DCP1A: variants seen among roughly 807,000 people sequenced by gnomAD.
DCP1A encodes the protein mRNA-decapping enzyme 1A.
A neutral mutation model predicts 58.0 loss-of-function variants in DCP1A; 20 were observed. That is an observed-to-expected ratio of 0.34 (90% CI 0.24 to 0.50). DCP1A has a LOEUF of 0.50. Among genes scored for constraint, DCP1A ranks in the 20% least tolerant of loss-of-function variants. The pLI is 0.98. For missense variants in DCP1A, 613 were observed against 712.2 expected (o/e 0.86, Z 1.59); for synonymous variants, 285 against 275.1 (o/e 1.04, Z -0.36).
intron 6 of DCP1A, among the ~76,000 whole-genome samples, chr3:53,300,341 T>TG (rs1553687285): frequency 6.7e-6 from 1 of 149,624 alleles, no homozygotes; most frequent in East Asian, 1.9e-4. Flanking sequence ...CTTTATGACT[T>TG]TTTTTTTTTT....
At position 53,312,371 on chromosome 3, in the gene DCP1A, T is replaced by C. The variant is rs782428638; in HGVS notation, c.380A>G (p.Glu127Gly). Residue 127 changes from glutamate to glycine, a missense_variant, in exon 5 of 10, where the codon GAA becomes GGA. Around this residue, in one of 3 missense-constraint regions of DCP1A, gnomAD observed 498 missense variants for 556.7 expected, o/e 0.89. Transcript: ENST00000610213. ...RIAKLMADVVEEETRRSQQAA... is the reference protein window; with the variant it reads ...RIAKLMADVVGEETRRSQQAA... ...TTGCTGGGATCGCCGTGTCTCCTCT[T>C]CTACCACACTAGAGGAGAAGAACAA... 5.6e-6 allele frequency: 9 copies of C among 1,603,784 alleles called. No homozygotes were observed. The highest frequency in any genetic ancestry group is 7.7e-6 in the Non-Finnish European group (9 of 1,176,016).
rs947757057 is a variant in DCP1A, at chr3:53,283,579, G to A, written c.*4001C>T. On this transcript the variant is annotated 3_prime_UTR_variant, in exon 10 of 10. Transcript: ENST00000610213. ...CTATAAAATCCATACCATTAAAAAT[G>A]TTAATGATACAGTATTGCGCTCATG... 1 of 152,134 alleles carries A rather than the reference G, an allele frequency of 6.6e-6. No individual in the cohort carries two copies. The highest frequency in any genetic ancestry group is 1.5e-5 in the Non-Finnish European group (1 of 68,022). 9.4% of individuals were successfully genotyped at this position (152,134 alleles called of 1,614,324 possible).
chr3:53,289,035 G>C (rs1553685595), intron 8 of DCP1A, among the ~76,000 whole-genome samples: 1 of 151,406 alleles, frequency 6.6e-6, no homozygotes, highest in Non-Finnish European at 1.5e-5. Context: ...TTTTAAGGCA[G>C]GGTCTCATTC....
intron 3 of DCP1A, among the ~76,000 whole-genome samples, chr3:53,321,086 G>T (rs79190339): frequency 6.6e-6 from 1 of 152,312 alleles, no homozygotes; most frequent in African/African-American, 2.4e-5. Context: ...GAGCCTACCC[G>T]GGCCACCTTC....
intron 3 of DCP1A, among the ~76,000 whole-genome samples, chr3:53,332,680 C>G (rs545941368): frequency 9.9e-5 from 15 of 152,096 alleles, no homozygotes; most frequent in Middle Eastern, 3.4e-3. Context: ...CTGGCTAACA[C>G]AGTGAAACCC....
rs781800850 is a variant in DCP1A, at chr3:53,312,348, G to C, written c.403C>G (p.Gln135Glu). The C allele has an allele frequency of 3.1e-6, 5 of 1,611,820 alleles. No homozygotes were observed. The South Asian group carries it at 3.3e-5, about 11-fold the overall frequency. The change falls in exon 5 of 10, where the codon CAA (glutamine) becomes GAA (glutamate). Residue 135 changes from glutamine to glutamate, a missense_variant. Physicochemically the swap from Gln to Glu is conservative, Grantham distance 29. Coordinates refer to ENST00000610213, the MANE Select transcript of DCP1A (RefSeq NM_018403.7). ...GGACTCTGTTTGTCCCGAGCAGCTT[G>C]CTGGGATCGCCGTGTCTCCTCTTCT... ...VVEEETRRSQ[Q>E]AARDKQSPSQ...
In DCP1A at chr3:53,288,280, C is replaced by G. The variant is rs782541384; in HGVS notation, c.1453G>C (p.Ala485Pro). ...PKVLSSAIPV[A>P]GAPLVTATTT... Reference sequence around the variant, plus strand: ...GTTGCAGTAACCAGTGGGGCGCCTGCAACCTGGAGAGTGACAATGGTCATT... The same window carrying G: ...GTTGCAGTAACCAGTGGGGCGCCTGGAACCTGGAGAGTGACAATGGTCATT... The change falls in exon 9 of 10, where the codon GCA becomes CCA. Residue 485 changes from alanine to proline, a missense_variant. Physicochemically the swap from Ala to Pro is conservative, Grantham distance 27. Around this residue, in one of 3 missense-constraint regions of DCP1A, gnomAD observed 498 missense variants for 556.7 expected, o/e 0.89. Transcript: ENST00000610213. The G allele has an allele frequency of 6.2e-7, 1 of 1,605,672 alleles. No individual in the cohort carries two copies. The highest frequency in any genetic ancestry group is 1.1e-5 in the South Asian group (1 of 90,330).
intron 2 of DCP1A, among the ~76,000 whole-genome samples, chr3:53,344,201 GA>G (rs2106903122): frequency 6.6e-6 from 1 of 151,884 alleles, no homozygotes; most frequent in African/African-American, 2.4e-5. Flanking sequence ...CTAAGCTTTA[GA>G]AAACAAGGGA....
Position 53,304,185 on chromosome 3 carries a change from G to C in DCP1A, c.616C>G (p.Gln206Glu). ...ETLEEMPSGS[Q>E]DKSAPSGHKH... ...GCTTTAGCTGTACAAACCTTATCCTGTGACCCGGAGGGCATTTCTTCTAGA... is the reference window on the plus strand; with the variant it reads ...GCTTTAGCTGTACAAACCTTATCCTCTGACCCGGAGGGCATTTCTTCTAGA... Residue 206 changes from glutamine (Q) to glutamate (E), a missense_variant, in exon 6 of 10, where the codon CAG becomes GAG. Around this residue, in one of 3 missense-constraint regions of DCP1A, gnomAD observed 498 missense variants for 556.7 expected, o/e 0.89. Coordinates refer to ENST00000610213, the MANE Select transcript of DCP1A (RefSeq NM_018403.7). 1 of 1,611,614 alleles carries C rather than the reference G, an allele frequency of 6.2e-7. No individual in the cohort carries two copies. Among genetic ancestry groups the C allele is most frequent in the Non-Finnish European group, 8.5e-7 (1 of 1,178,188 alleles).
In DCP1A at chr3:53,292,508, C is replaced by G. The variant is rs1553686233; in HGVS notation, c.944G>C (p.Ser315Thr). ...KHAPTYTIPL[S>T]PVLSPTLPAE... Reference sequence around the variant, plus strand: ...TGGCAGAGTGGGACTGAGAACAGGGCTCAACGGGATTGTGTAGGTTGGAGC... The same window carrying G: ...TGGCAGAGTGGGACTGAGAACAGGGGTCAACGGGATTGTGTAGGTTGGAGC... The change falls in exon 7 of 10, where the codon AGC (serine) becomes ACC (threonine). Residue 315 changes from serine to threonine, a missense_variant. By Grantham distance (58) the Ser-to-Thr change is moderately conservative. This residue lies in a region of DCP1A where 498 missense variants were observed against 556.7 expected (regional missense o/e 0.89). Coordinates refer to ENST00000610213, the MANE Select transcript of DCP1A (RefSeq NM_018403.7). 1.9e-6 allele frequency: 3 copies of G among 1,613,978 alleles called. No homozygotes were observed. The highest frequency in any genetic ancestry group is 2.5e-6 in the Non-Finnish European group (3 of 1,179,902).
At position 53,292,614 on chromosome 3, in the gene DCP1A, C is replaced by T. The variant is rs367934700; in HGVS notation, c.838G>A (p.Ala280Thr). 1 of 1,613,604 alleles carries T rather than the reference C, an allele frequency of 6.2e-7. No homozygotes were observed. The highest frequency in any genetic ancestry group is 1.1e-5 in the South Asian group (1 of 91,054). ...QSETLGVPSAAHHSVQPEITT... is the reference protein window; with the variant it reads ...QSETLGVPSATHHSVQPEITT... ...ATTTCAGGCTGGACTGAATGGTGGG[C>T]AGCAGAAGGGACACCCAGGGTTTCT... Residue 280 changes from alanine (A) to threonine (T), a missense_variant, in exon 7 of 10, where the codon GCC becomes ACC. Transcript: ENST00000610213.
intron 3 of DCP1A, chr3:53,338,074 CATCT>C (rs2089145437): frequency 2.7e-6 from 1 of 373,398 alleles, no homozygotes; most frequent in Admixed American, 3.0e-5. Flanking sequence ...CCAAATTCTC[CATCT>C]GTCACTTATT....
intron 5 of DCP1A, among the ~76,000 whole-genome samples, chr3:53,309,402 A>G (rs1707578922): frequency 6.6e-6 from 1 of 151,896 alleles, no homozygotes; most frequent in Non-Finnish European, 1.5e-5. Context: ...TAATTAAAAG[A>G]TATTATAGAA....
At position 53,347,447 on chromosome 3, in the gene DCP1A, G is replaced by A; in HGVS notation, c.71C>T (p.Thr24Ile). The change falls in exon 1 of 10, where the codon ACC becomes ATC. Residue 24 changes from threonine (T) to isoleucine (I), a missense_variant. By Grantham distance (89) the Thr-to-Ile change is moderately conservative. Coordinates refer to ENST00000610213, the MANE Select transcript of DCP1A (RefSeq NM_018403.7). ...AALKQHDPYI[T>I]SIADLTGQVA... ...CTGGCCCGTGAGGTCTGCGATGCTG[G>A]TGATATAGGGGTCGTGTTGCTTCAG... 6.2e-7 allele frequency: 1 copy of A among 1,613,730 alleles called. No individual in the cohort carries two copies. The highest frequency in any genetic ancestry group is 1.1e-5 in the South Asian group (1 of 91,082).
chr3:53,301,630 A>C (rs1295896896), intron 6 of DCP1A, among the ~76,000 whole-genome samples: 1 of 152,228 alleles, frequency 6.6e-6, no homozygotes, highest in Non-Finnish European at 1.5e-5. Context: ...TTATGTTCAC[A>C]TAAAAACCTG....
chr3:53,300,654 T>C (rs1707284098), intron 6 of DCP1A, among the ~76,000 whole-genome samples: 1 of 152,050 alleles, frequency 6.6e-6, no homozygotes, highest in Admixed American at 6.6e-5. Flanking sequence ...TTTTTTTTGT[T>C]GTTGGATTTT....
At chr3:53,335,730 C>G (rs2089101377) in intron 3 of DCP1A, among the ~76,000 whole-genome samples, 1 of 152,128 alleles carries the variant, frequency 6.6e-6, no homozygotes, top group African/African-American at 2.4e-5. Flanking sequence ...CTGTTGAATC[C>G]AAGTAGAGAG....
chr3:53,327,339 C>A (rs980329780), intron 3 of DCP1A, among the ~76,000 whole-genome samples: 5 of 152,224 alleles, frequency 3.3e-5, no homozygotes, highest in Admixed American at 2.6e-4. Flanking sequence ...ACCTACAATT[C>A]TGGCTGACTG....
intron 4 of DCP1A, among the ~76,000 whole-genome samples, chr3:53,315,744 G>GTTGTT (rs1707785523): frequency 3.1e-5 from 3 of 95,416 alleles, no homozygotes; most frequent in Non-Finnish European, 5.7e-5. Flanking sequence ...TCAGTTTGTT[G>GTTGTT]TTTTTTTTTT....
Sources: gnomAD v4.1 joint callset for allele counts (sites outside exome capture counted in the v4.1 genomes callset) on GRCh38, gnomAD v4.1.1 for gene constraint, gnomAD v4.1.1 regional missense constraint, MANE v1.5 for transcripts, NCBI Gene and HGNC (gene_info 2026-07-23, HGNC 2026-07-21) for gene names.